Variants in CSF1R observed in about 807,000 individuals in gnomAD.
CSF1R encodes colony stimulating factor 1 receptor, also known as macrophage colony-stimulating factor 1 receptor.
CSF1R carries 40 observed loss-of-function variants against 110.0 expected under a neutral mutation model. That is an observed-to-expected ratio of 0.36 (90% CI 0.28 to 0.47). The LOEUF is 0.47. CSF1R is among the 20% of genes least tolerant of loss of function. The pLI is 0.99. For missense variants in CSF1R, 1,052 were observed against 1,253.0 expected, an observed-to-expected ratio of 0.84 and a Z score of 2.42; for synonymous variants, 523 against 503.4, an observed-to-expected ratio of 1.04 and a Z score of -0.52.
intron 1 of CSF1R, among the ~76,000 whole-genome samples, chr5:150,112,764 CCT>C (rs1302455853): frequency 2.6e-5 from 4 of 152,166 alleles, no homozygotes; most frequent in Non-Finnish European, 4.4e-5. Flanking sequence ...CTCAGCTGCC[CCT>C]GAGTTGGCGG....
rs891743338 is a variant in CSF1R, at chr5:150,077,086, G to A, written c.889+190C>T. 4.2e-5 allele frequency: 30 copies of A among 706,828 alleles called. No individual in the cohort carries two copies. The African/African-American group carries it at 4.8e-4, about 11-fold the overall frequency. The allele number at this position is 706,828 out of a possible 1,614,324, so 43.8% of individuals were successfully genotyped here. ...GCACTGTAAGAGCTCCAAGATGGGA[G>A]AGAGATCCCAGGAGAGGGTAAGGGA... is the stretch of plus-strand genomic sequence containing the variant. On this transcript the variant is annotated intron_variant, in intron 5 of 20. Coordinates refer to ENST00000675795, the MANE Select transcript of CSF1R (RefSeq NM_001288705.3).
intron 1 of CSF1R, among the ~76,000 whole-genome samples, chr5:150,098,683 A>T (rs1485342506): frequency 1.3e-5 from 2 of 152,172 alleles, no homozygotes; most frequent in Non-Finnish European, 2.9e-5. Flanking sequence ...TAAATGATTC[A>T]GTAAAAACAA....
In CSF1R at chr5:150,059,600, C is replaced by CA. The variant is rs1757408971; in HGVS notation, c.2132+99dup. ...AGGTGGCAGGTGAGGGCTGCATAGCCACCCATTCATGAGCCATCCAACCCT... is the reference window on the plus strand; with the variant it reads ...AGGTGGCAGGTGAGGGCTGCATAGCCAACCCATTCATGAGCCATCCAACCCT... On this transcript the variant is annotated intron_variant, in intron 14 of 20. Transcript: ENST00000675795. 3.5e-6 allele frequency: 5 copies of CA among 1,417,900 alleles called. 1 individual carries two copies. The South Asian group carries it at 6.4e-5, about 18-fold the overall frequency. The allele number at this position is 1,417,900 out of a possible 1,614,324, so 87.8% of individuals were successfully genotyped here.
chr5:150,084,237 G>A (rs1374232212), intron 1 of CSF1R, among the ~76,000 whole-genome samples: 5 of 151,454 alleles, frequency 3.3e-5, no homozygotes, highest in African/African-American at 1.2e-4. Flanking sequence ...CTCAGGAGTG[G>A]CAGAATTGCT....
In CSF1R at chr5:150,077,442, C is replaced by T; in HGVS notation, c.730-7G>A. On this transcript the variant is annotated splice_polypyrimidine_tract_variant and splice_region_variant and intron_variant, in intron 4 of 20. Coordinates refer to ENST00000675795, the MANE Select transcript of CSF1R (RefSeq NM_001288705.3). ...ATTGTTGAGGGATTGCGAGCTGCAGCCAGAAGGAATGGAGATGTTATACCA... is the reference window on the plus strand; with the variant it reads ...ATTGTTGAGGGATTGCGAGCTGCAGTCAGAAGGAATGGAGATGTTATACCA... 2 of 1,609,224 alleles carry T rather than the reference C, an allele frequency of 1.2e-6. No homozygotes were observed. The highest frequency in any genetic ancestry group is 2.2e-5 in the South Asian group (2 of 90,704).
intron 1 of CSF1R, among the ~76,000 whole-genome samples, chr5:150,084,435 GAAGGAAGGAAGGAAGGAAGGAAGA>G (rs1257592976): frequency 9.3e-5 from 6 of 64,446 alleles, no homozygotes; most frequent in African/African-American, 4.0e-4. Flanking sequence ...AGGAAGGAAG[GAAGGAAGGAAGGAAGGAAGGAAGA>G]AAGAAAGGAA....
At chr5:150,058,669 G>A (rs1445344124) in intron 14 of CSF1R, among the ~76,000 whole-genome samples, 1 of 152,152 alleles carries the variant, frequency 6.6e-6, no homozygotes, top group Non-Finnish European at 1.5e-5. Flanking sequence ...CAGGGAATCA[G>A]AAGAGGAAGT....
chr5:150,053,799 G>A lies in CSF1R; in HGVS notation c.*270C>T. 1 of 543,474 alleles carries A rather than the reference G, an allele frequency of 1.8e-6. No individual in the cohort carries two copies. The highest frequency in any genetic ancestry group is 4.9e-4 in the Middle Eastern group (1 of 2,024). 33.7% of individuals were successfully genotyped at this position (543,474 alleles called of 1,614,324 possible). A position where few individuals can be genotyped will look rare whatever the true frequency, so the allele number is the denominator to read the frequency against. ...AAAGAAGGTTCTACTAGTTGGCATAGCAAACACGAGGCCAACACCATGAGA... is the reference window on the plus strand; with the variant it reads ...AAAGAAGGTTCTACTAGTTGGCATAACAAACACGAGGCCAACACCATGAGA... On this transcript the variant is annotated 3_prime_UTR_variant, in exon 21 of 21. Transcript: ENST00000675795.
At chr5:150,102,636 C>T (rs886960498) in intron 1 of CSF1R, among the ~76,000 whole-genome samples, 15 of 152,218 alleles carry the variant, frequency 9.9e-5, no homozygotes, top group African/African-American at 2.4e-4. Context: ...CCCACCACCA[C>T]GGCCAATTAA....
intron 1 of CSF1R, among the ~76,000 whole-genome samples, chr5:150,096,554 C>G (rs1481958581): frequency 7.9e-5 from 12 of 151,912 alleles, no homozygotes; most frequent in Admixed American, 7.9e-4. Context: ...GACCAATATC[C>G]CTTATGAAAA....
At chr5:150,075,187 G>A (rs1581314238) in intron 5 of CSF1R, among the ~76,000 whole-genome samples, 1 of 152,120 alleles carries the variant, frequency 6.6e-6, no homozygotes, top group Admixed American at 6.5e-5. Context: ...TGGGGGCAAG[G>A]CTTTTCTCTT....
chr5:150,069,962 A>G lies in CSF1R; in HGVS notation c.1421T>C (p.Val474Ala). ...GGTTTGGTTGTGCTCTAAGGTCTCAACAGTCAGCAGGCTCTGCACCGTCAC... is the reference window on the plus strand; with the variant it reads ...GGTTTGGTTGTGCTCTAAGGTCTCAGCAGTCAGCAGGCTCTGCACCGTCAC... ...HKVTVQSLLT[V>A]ETLEHNQTYE... The change falls in exon 9 of 21, where the codon GTT becomes GCT. Residue 474 changes from valine to alanine, a missense_variant. Val to Ala is a moderately conservative substitution (Grantham distance 64). This residue lies in a region of CSF1R where 693 missense variants were observed against 735.4 expected (regional missense o/e 0.94). Coordinates refer to ENST00000675795, the MANE Select transcript of CSF1R (RefSeq NM_001288705.3). 1 of 1,614,126 alleles carries G rather than the reference A, an allele frequency of 6.2e-7. No individual in the cohort carries two copies. Among genetic ancestry groups the G allele is most frequent in the African/African-American group, 1.3e-5 (1 of 75,038 alleles).
intron 1 of CSF1R, among the ~76,000 whole-genome samples, chr5:150,111,106 C>A (rs993280214): frequency 3.9e-5 from 6 of 152,096 alleles, no homozygotes; most frequent in Admixed American, 2.6e-4. Context: ...AATTGCAAAA[C>A]CGAACATTAT....
chr5:150,068,738 T>C (rs904063476), intron 9 of CSF1R, among the ~76,000 whole-genome samples: 7 of 152,258 alleles, frequency 4.6e-5, no homozygotes, highest in African/African-American at 1.7e-4. Flanking sequence ...GCAACCTTCC[T>C]CTCCTGCATT....
intron 19 of CSF1R, 136 bp from the exon 20 acceptor site, chr5:150,054,566 A>G (rs1175450775): frequency 3.1e-6 from 2 of 651,300 alleles, no homozygotes; most frequent in African/African-American, 3.7e-5. Context: ...ACCTATGCCA[A>G]GTCCTTGGCA....
rs1177452969 is a variant in CSF1R, at chr5:150,059,774, G to A, written c.2058C>T (p.Ser686=). The A allele has an allele frequency of 3.7e-6, 6 of 1,614,100 alleles. No homozygotes were observed. Among genetic ancestry groups the A allele is most frequent in the Non-Finnish European group, 5.1e-6 (6 of 1,180,026 alleles). ...RRKAEAMLGP[S]LSPGQDPEGG... is the part of the protein sequence containing the mutation. ...CCTCGGGGTCCTGGCCGGGGCTCAG[G>A]CTGGGTCCCAGCATGGCCTCAGCCT... The change falls in exon 14 of 21, where the codon AGC becomes AGT. Residue 686 remains serine, a synonymous_variant. Coordinates refer to ENST00000675795, the MANE Select transcript of CSF1R (RefSeq NM_001288705.3).
Position 150,081,590 on chromosome 5 carries a change from T to C in CSF1R, c.50-566A>G, listed in dbSNP as rs939870974. 2.0e-5 allele frequency among the ~76,000 whole-genome samples: 3 copies of C among 152,180 alleles called. No individual in the cohort carries two copies. The East Asian group carries it at 5.8e-4, about 29-fold the overall frequency. The stretch of plus-strand genomic sequence containing the variant: ...AGCACAGTGGGATGGGGAGGTGCCA[T>C]GCCTCAGTTTCCCCACCTATAAAAC... On this transcript the variant is annotated intron_variant, in intron 1 of 20. Transcript: ENST00000675795.
rs187884784 is a variant in CSF1R at position 150,108,659 on chromosome 5, A to G, written c.-181+4602T>C. 2.6e-5 allele frequency among the ~76,000 whole-genome samples: 4 copies of G among 152,332 alleles called. No individual in the cohort carries two copies. The East Asian group carries it at 7.7e-4, about 29-fold the overall frequency. On this transcript the variant is annotated intron_variant, in intron 1 of 21. Transcript: ENST00000286301. Reference sequence around the variant, plus strand: ...GGGACTTAGAATTCTGTGATTTTCCAGAAACTGTGTTACTTCCCCATGTTT... The same window carrying G: ...GGGACTTAGAATTCTGTGATTTTCCGGAAACTGTGTTACTTCCCCATGTTT...
intron 1 of CSF1R, among the ~76,000 whole-genome samples, chr5:150,102,223 A>G (rs1362275224): frequency 1.3e-5 from 2 of 152,138 alleles, no homozygotes; most frequent in Non-Finnish European, 2.9e-5. Flanking sequence ...TTCCCCTAAG[A>G]AGGCCGTGAG....
Sources: allele counts gnomAD v4.1 joint callset (sites outside exome capture counted in the v4.1 genomes callset), GRCh38; gene constraint gnomAD v4.1.1; regional missense constraint gnomAD v4.1.1; transcripts MANE v1.5; gene names NCBI Gene and HGNC (gene_info 2026-07-23, HGNC 2026-07-21).